The following DLG2 variants were observed in gnomAD, a reference collection of about 807,000 sequenced individuals.
DLG2 encodes the protein discs large MAGUK scaffold protein 2, also known as disks large homolog 2.
Under a neutral mutation model 132.5 loss-of-function variants are expected in DLG2, and 45 were observed. The observed-to-expected ratio is 0.34, with a 90% CI of 0.27 to 0.44. DLG2 has a LOEUF of 0.44. Among genes scored for constraint, DLG2 ranks in the 20% least tolerant of loss-of-function variants. The pLI is 1.00. For missense variants in DLG2, 1,045 were observed against 1,196.9 expected, an observed-to-expected ratio of 0.87 and a Z score of 1.87; for synonymous variants, 424 against 419.6, an observed-to-expected ratio of 1.01 and a Z score of -0.13.
At chr11:83,963,816 A>T (rs2089519600) in intron 13 of DLG2, among the ~76,000 whole-genome samples, 1 of 151,852 alleles carries the variant, frequency 6.6e-6, no homozygotes, top group Non-Finnish European at 1.5e-5. Flanking sequence ...TGTACCATCT[A>T]CCTAGAATTT....
At chr11:85,053,789 T>C in intron 6 of DLG2, among the ~76,000 whole-genome samples, 1 of 107,612 alleles carries the variant, frequency 9.3e-6, no homozygotes, top group Non-Finnish European at 1.8e-5. Flanking sequence ...AGAGCAAGAC[T>C]CTGTCTCAAA....
At chr11:83,747,107 T>C (rs540012558) in intron 18 of DLG2, among the ~76,000 whole-genome samples, 2 of 151,848 alleles carry the variant, frequency 1.3e-5, no homozygotes, top group South Asian at 2.1e-4. Context: ...TGGTGGGAGG[T>C]TGGAGTGAGT....
chr11:85,438,309 A>G (rs970047859), intron 3 of DLG2, among the ~76,000 whole-genome samples: 1 of 152,142 alleles, frequency 6.6e-6, no homozygotes, highest in Admixed American at 6.6e-5. Context: ...ATTTGGAGGG[A>G]AAAAATATCC....
intron 6 of DLG2, among the ~76,000 whole-genome samples, chr11:84,894,704 T>C (rs887041553): frequency 6.6e-5 from 10 of 152,276 alleles, no homozygotes; most frequent in Admixed American, 4.6e-4. Context: ...TTAGGTTCAA[T>C]GATACTCTAT....
At chr11:84,876,359 G>A (rs952272527) in intron 6 of DLG2, among the ~76,000 whole-genome samples, 2 of 152,146 alleles carry the variant, frequency 1.3e-5, no homozygotes, top group African/African-American at 4.8e-5. Context: ...CTCAATTTCA[G>A]AACTTGTTAT....
chr11:85,254,972 C>A (rs1328181636), intron 4 of DLG2, among the ~76,000 whole-genome samples: 17 of 148,442 alleles, frequency 1.1e-4, no homozygotes, highest in East Asian at 4.0e-4. Flanking sequence ...GCACTCCAGC[C>A]TGGGCAACAG....
intron 6 of DLG2, among the ~76,000 whole-genome samples, chr11:84,821,642 C>CAAAAAAAAAAAAAAAAAAAA: frequency 8.7e-6 from 1 of 115,396 alleles, no homozygotes; most frequent in Non-Finnish European, 1.7e-5. Context: ...AAAAAAAAAA[C>CAAAAAAAAAAAAAAAAAAAA]AACAACAACA....
chr11:84,364,679 C>T (rs1002222407), intron 7 of DLG2, among the ~76,000 whole-genome samples: 13 of 152,146 alleles, frequency 8.5e-5, no homozygotes, highest in African/African-American at 1.4e-4. Flanking sequence ...TTTTGAGATA[C>T]GTCCCATCAA....
intron 3 of DLG2, among the ~76,000 whole-genome samples, chr11:85,404,779 G>A (rs1307447255): frequency 2.0e-5 from 3 of 151,966 alleles, no homozygotes; most frequent in East Asian, 3.9e-4. Flanking sequence ...AGTAAAACAT[G>A]CTGACTCTTA....
intron 6 of DLG2, among the ~76,000 whole-genome samples, chr11:85,027,948 A>G (rs1426569505): frequency 2.0e-5 from 3 of 152,254 alleles, no homozygotes; most frequent in South Asian, 4.2e-4. Flanking sequence ...CAGTCCCACC[A>G]TTTGGCAGGT....
At chr11:85,389,970 A>T (rs980764872) in intron 3 of DLG2, among the ~76,000 whole-genome samples, 7 of 152,168 alleles carry the variant, frequency 4.6e-5, no homozygotes, top group African/African-American at 1.7e-4. Flanking sequence ...GTACTCAGGC[A>T]ACAAACAGTA....
Position 84,896,594 on chromosome 11 carries a change from A to C in DLG2, c.357+215067T>G, listed in dbSNP as rs145154690. Reference sequence around the variant, plus strand: ...TGCCAGACTGTCATTTTTGTCATAAAAATGTATGATGCATATGAAAACAGC... The same window carrying C: ...TGCCAGACTGTCATTTTTGTCATAACAATGTATGATGCATATGAAAACAGC... On this transcript the variant is annotated intron_variant, in intron 6 of 27. Coordinates refer to ENST00000376104, the MANE Select transcript of DLG2 (RefSeq NM_001142699.3). 4.7e-3 allele frequency among the ~76,000 whole-genome samples: 710 copies of C among 152,142 alleles called. 3 individuals are homozygous for C. Among genetic ancestry groups the C allele is most frequent in the Non-Finnish European group, 7.3e-3 (497 of 67,922 alleles).
intron 21 of DLG2, among the ~76,000 whole-genome samples, chr11:83,499,633 ATAAGG>A (rs1226671850): frequency 6.7e-6 from 1 of 150,272 alleles, no homozygotes; most frequent in Non-Finnish European, 1.5e-5. Context: ...TTGCCTCCTT[ATAAGG>A]TAAGTCTTCC....
intron 19 of DLG2, among the ~76,000 whole-genome samples, chr11:83,578,805 A>G (rs78614817): frequency 0.018 from 2,689 of 152,308 alleles, 73 homozygotes; most frequent in African/African-American, 0.062. Context: ...ACCCATCAAC[A>G]ATATATTCTT....
chr11:84,964,928 G>A (rs1029148523), intron 6 of DLG2, among the ~76,000 whole-genome samples: 3 of 152,088 alleles, frequency 2.0e-5, no homozygotes, highest in Non-Finnish European at 2.9e-5. Context: ...TATACGAAGT[G>A]TGATTAATTA....
chr11:84,714,623 T>TTCTCTCTCTCTCTCTCTTTC (rs2060954643), intron 6 of DLG2, among the ~76,000 whole-genome samples: 1 of 104,988 alleles, frequency 9.5e-6, no homozygotes, highest in African/African-American at 4.3e-5. Context: ...CTCTTTCTCT[T>TTCTCTCTCTCTCTCTCTTTC]TCTCTCTCTC....
At chr11:84,374,142 A>T (rs1450057463) in intron 7 of DLG2, among the ~76,000 whole-genome samples, 4 of 152,106 alleles carry the variant, frequency 2.6e-5, no homozygotes, top group Non-Finnish European at 5.9e-5. Flanking sequence ...GGGGAAAAGG[A>T]TATCTCTAGG....
At position 84,898,113 on chromosome 11, in the gene DLG2, T is replaced by A. The variant is rs558729974; in HGVS notation, c.357+213548A>T. ...CTTTGCAAAGATATAACAATAAAAA[T>A]GGTCACTTTATATAATTAAAATGTA... On this transcript the variant is annotated intron_variant, in intron 6 of 27. Transcript: ENST00000376104. 3.4e-3 allele frequency among the ~76,000 whole-genome samples: 514 copies of A among 152,060 alleles called. 1 individual carries two copies. The highest frequency in any genetic ancestry group is 5.5e-3 in the Non-Finnish European group (373 of 67,866).
At chr11:84,112,658 A>T (rs2093425740) in intron 9 of DLG2, among the ~76,000 whole-genome samples, 1 of 152,132 alleles carries the variant, frequency 6.6e-6, no homozygotes, top group Admixed American at 6.5e-5. Flanking sequence ...CTTTAAAATA[A>T]CTTCCCTTTA....
Sources: gnomAD v4.1 joint callset for allele counts (sites outside exome capture counted in the v4.1 genomes callset) on GRCh38, gnomAD v4.1.1 for gene constraint, MANE v1.5 for transcripts, NCBI Gene and HGNC (gene_info 2026-07-23, HGNC 2026-07-21) for gene names.